Variants in PSMD10 observed in about 807,000 individuals in gnomAD.
PSMD10 encodes 26S proteasome non-ATPase regulatory subunit 10.
In PSMD10, 2 loss-of-function variants were observed where a neutral mutation model predicts 13.2. That is an observed-to-expected ratio of 0.15 (90% confidence interval 0.06 to 0.48). The LOEUF (loss-of-function observed/expected upper bound fraction) is 0.48, where lower values mean the gene tolerates loss of function less well. Ranked by LOEUF, PSMD10 falls within the 20% of genes least tolerant of loss-of-function variation. The probability of loss-of-function intolerance (pLI) is 0.97; values close to 1 mark genes in which losing one functional copy is unlikely to be tolerated. For missense variants in PSMD10, 120 were observed against 167.4 expected (o/e 0.72, Z 1.56); for synonymous variants, 66 against 64.4 (o/e 1.03, Z -0.12).
chrX:108,090,247 T>C (rs1421159989), intron 1 of PSMD10, among the ~76,000 whole-genome samples: 1 of 112,111 alleles, frequency 8.9e-6, no homozygotes, highest in Admixed American at 9.4e-5. Flanking sequence ...TGTATTCAGA[T>C]TGCCCCCAAC....
At chrX:108,085,580 T>A (rs2147941025) in intron 4 of PSMD10, among the ~76,000 whole-genome samples, 1 of 112,442 alleles carries the variant, frequency 8.9e-6, no homozygotes, top group East Asian at 2.8e-4. Flanking sequence ...GTTAGCAAAG[T>A]ATTATTATCA....
rs1229412825 is a variant in PSMD10, at chrX:108,091,445, T to C, written c.76A>G (p.Ile26Val). 2 of 1,212,365 alleles carry C rather than the reference T, an allele frequency of 1.6e-6. No individual in the cohort carries two copies. Among genetic ancestry groups the C allele is most frequent in the Non-Finnish European group, 2.2e-6 (2 of 895,563 alleles). ...GTAGCCAGGGATTTATCGGCCAGAATACTCTCCTTCAACTCTTCCAGCTTC... is the reference window on the plus strand; with the variant it reads ...GTAGCCAGGGATTTATCGGCCAGAACACTCTCCTTCAACTCTTCCAGCTTC... ...SGKLEELKES[I>V]LADKSLATRT... The change falls in exon 1 of 5, where the codon ATT becomes GTT. Residue 26 changes from isoleucine to valine, a missense_variant. By Grantham distance (29) the Ile-to-Val change is conservative. This residue lies in a region of PSMD10 where 32 missense variants were observed against 26.2 expected (regional missense o/e 1.22). Coordinates refer to ENST00000217958, the MANE Select transcript of PSMD10 (RefSeq NM_002814.4).
At chrX:108,086,850 T>C (rs2031502849) in intron 4 of PSMD10, among the ~76,000 whole-genome samples, 1 of 111,950 alleles carries the variant, frequency 8.9e-6, no homozygotes, top group Admixed American at 9.5e-5. Flanking sequence ...TGTGTATTTG[T>C]TGACGCAGCA....
At chrX:108,087,245 T>A (rs1311095706) in intron 4 of PSMD10, 1 of 113,216 alleles carries the variant, frequency 8.8e-6, no homozygotes, top group African/African-American at 3.3e-5. Flanking sequence ...CCATTATTTA[T>A]AATAGTGAAA....
At chrX:108,087,604 T>A in intron 4 of PSMD10, 82 bp downstream of exon 4, 1 of 1,116,430 alleles carries the variant, frequency 9.0e-7, no homozygotes, top group Non-Finnish European at 1.2e-6. Flanking sequence ...ATAAGCAGAA[T>A]AAAAAAAGAA....
chrX:108,084,978 C>T lies in PSMD10; in HGVS notation c.677G>A (p.Gly226Asp), dbSNP rs140450722. Residue 226 changes from glycine (G) to aspartate (D), a missense_variant, in exon 5 of 5, where the codon GGT (glycine) becomes GAT (aspartate). Gly to Asp is a moderately conservative substitution (Grantham distance 94). Around this residue, in one of 3 missense-constraint regions of PSMD10, gnomAD observed 20 missense variants for 16.4 expected, o/e 1.22. Transcript: ENST00000217958. ...LGLILKRMVE[G>D] ...GTAAGAATAAATCCAAGCTGTTTAA[C>T]CTTCCACCATTCTCTTGAGTATTAA... 509 of 1,198,446 alleles carry T rather than the reference C, an allele frequency of 4.2e-4. 4 individuals are homozygous for T. The East Asian group carries it at 0.013, about 31-fold the overall frequency.
chrX:108,088,309 C>T (rs943706028), intron 2 of PSMD10, among the ~76,000 whole-genome samples: 17 of 111,992 alleles, frequency 1.5e-4, no homozygotes, highest in African/African-American at 4.9e-4. Context: ...TATTTAGGTC[C>T]TCATTATTCA....
intron 4 of PSMD10, among the ~76,000 whole-genome samples, chrX:108,085,903 C>T (rs1278500612): frequency 9.0e-6 from 1 of 111,442 alleles, no homozygotes; most frequent in African/African-American, 3.3e-5. Context: ...TGAACATCAT[C>T]TAGCTATTCA....
Position 108,087,816 on chromosome X carries a change from C to T in PSMD10, c.397G>A (p.Asp133Asn), listed in dbSNP as rs1357198896. 27 of 1,209,991 alleles carry T rather than the reference C, an allele frequency of 2.2e-5. No homozygotes were observed. Among genetic ancestry groups the T allele is most frequent in the Non-Finnish European group, 3.0e-5 (27 of 895,246 alleles). ...GTAGCCTCATAATGGTCCTTAGCATCTGGATTAGCCCCGCCTTCCAGTAAC... is the reference window on the plus strand; with the variant it reads ...GTAGCCTCATAATGGTCCTTAGCATTTGGATTAGCCCCGCCTTCCAGTAAC... The part of the protein sequence containing the change: ...VMLLEGGANP[D>N]AKDHYEATAM... The change falls in exon 4 of 5, where the codon GAT (aspartate) becomes AAT (asparagine). Residue 133 changes from aspartate (D) to asparagine (N), a missense_variant. Coordinates refer to ENST00000217958, the MANE Select transcript of PSMD10 (RefSeq NM_002814.4).
At position 108,091,514 on chromosome X, in the gene PSMD10, C is replaced by G. The variant is rs779419112; in HGVS notation, c.7G>C (p.Gly3Arg). ...CAGACCATTAGGTTAGACACACACC[C>G]CTCCATTTCGCTGTCCCAGCAACTA... Reference protein sequence around the residue: MEGCVSNLMVCNL... With the variant: MERCVSNLMVCNL... The change falls in exon 1 of 5, where the codon GGG becomes CGG. Residue 3 changes from glycine to arginine, a missense_variant. Physicochemically the swap from Gly to Arg is moderately radical, Grantham distance 125 (BLOSUM62 -2). Transcript: ENST00000217958. The G allele has an allele frequency of 5.8e-6, 7 of 1,209,331 alleles. No individual in the cohort carries two copies. In the African/African-American group the frequency reaches 7.0e-5, roughly 12 times the overall value.
chrX:108,088,903 G>A, intron 1 of PSMD10, 53 bp from the exon 2 acceptor site: 3 of 929,613 alleles, frequency 3.2e-6, no homozygotes, highest in African/African-American at 2.0e-5. Flanking sequence ...AAAAAAGCAA[G>A]AAAAAAAATA....
chrX:108,089,842 A>G (rs1569296140), intron 1 of PSMD10, among the ~76,000 whole-genome samples: 1 of 111,528 alleles, frequency 9.0e-6, no homozygotes, highest in African/African-American at 3.3e-5. Context: ...TCAAAAAATA[A>G]ATAAATAAAA....
At position 108,084,852 on chromosome X, in the gene PSMD10, T is replaced by C; in HGVS notation, c.*122A>G. 1 of 824,791 alleles carries C rather than the reference T, an allele frequency of 1.2e-6. No homozygotes were observed. The allele number at this position is 824,791 out of a possible 1,213,427, so 68.0% of individuals were successfully genotyped here. ...GCAGGAACAAGAGTCAACATGTTTA[T>C]AAGACTTTGAAGGTGAGAAAACTTC... is the stretch of plus-strand genomic sequence containing the variant. On this transcript the variant is annotated 3_prime_UTR_variant, in exon 5 of 5. Transcript: ENST00000217958.
intron 4 of PSMD10, among the ~76,000 whole-genome samples, chrX:108,086,441 A>T (rs1485691992): frequency 8.9e-6 from 1 of 112,423 alleles, no homozygotes; most frequent in Non-Finnish European, 1.9e-5. Flanking sequence ...TAGAAATTTT[A>T]AAACTTCTCT....
In PSMD10 at chrX:108,087,866, GAAGA is replaced by G. The variant is rs767133361; in HGVS notation, c.361-18_361-15del. On this transcript the variant is annotated splice_polypyrimidine_tract_variant and intron_variant, in intron 3 of 4. Transcript: ENST00000217958. ...CATGACAGCGATCTGGAAAGATGGA[GAAGA>G]AAGAAGAAAACAATGCAGAAATCTA... 191 of 1,209,960 alleles carry G rather than the reference GAAGA, an allele frequency of 1.6e-4. No homozygotes were observed. The African/African-American group carries it at 2.8e-3, about 18-fold the overall frequency.
At chrX:108,085,851 A>T (rs1211635528) in intron 4 of PSMD10, among the ~76,000 whole-genome samples, 1 of 111,889 alleles carries the variant, frequency 8.9e-6, no homozygotes, top group African/African-American at 3.2e-5. Context: ...TGTTTAATAC[A>T]AGTATTTAAT....
In PSMD10 at chrX:108,088,521, C is replaced by T. The variant is rs1009783252; in HGVS notation, c.213+231G>A. 6 of 362,008 alleles carry T rather than the reference C, an allele frequency of 1.7e-5. No homozygotes were observed. The Admixed American group carries it at 3.0e-4, about 18-fold the overall frequency. The allele number at this position is 362,008 out of a possible 1,213,427, so 29.8% of individuals were successfully genotyped here. Reference sequence around the variant, plus strand: ...CTAGGCTGGAGCAATCCTCCTACCTCAGCCTCTCCTGTATGTTTACCTTAA... The same window carrying T: ...CTAGGCTGGAGCAATCCTCCTACCTTAGCCTCTCCTGTATGTTTACCTTAA... On this transcript the variant is annotated intron_variant, in intron 2 of 4. Transcript: ENST00000217958.
chrX:108,089,445 T>C (rs1257982406), intron 1 of PSMD10, among the ~76,000 whole-genome samples: 4 of 112,558 alleles, frequency 3.6e-5, no homozygotes. Context: ...ATTAAACTAG[T>C]TGAAATTATC....
intron 2 of PSMD10, chrX:108,088,509 A>G (rs2031525890): frequency 2.8e-6 from 1 of 352,555 alleles, no homozygotes; most frequent in Non-Finnish European, 5.0e-6. Flanking sequence ...GGCTGGAGCA[A>G]TCCTCCTACC....
Sources: gnomAD v4.1 joint callset for allele counts (sites outside exome capture counted in the v4.1 genomes callset) on GRCh38, gnomAD v4.1.1 for gene constraint, gnomAD v4.1.1 regional missense constraint, MANE v1.5 for transcripts, NCBI Gene and HGNC (gene_info 2026-07-23, HGNC 2026-07-21) for gene names.